Variants in KMT2C observed in about 807,000 individuals in gnomAD.
KMT2C encodes lysine methyltransferase 2C.
A neutral mutation model predicts 507.9 loss-of-function variants in KMT2C; 88 were observed. The ratio of observed to expected loss-of-function variants is 0.17; its 90% CI spans 0.15 to 0.21. KMT2C has a LOEUF of 0.21. Ranked by LOEUF, KMT2C falls within the 10% of genes least tolerant of loss-of-function variation. KMT2C has a pLI of 1.00. For synonymous variants in KMT2C, 2,049 were observed against 2,080.8 expected (o/e 0.98, Z 0.42); for missense variants, 4,954 against 5,957.8 (o/e 0.83, Z 5.55).
intron 9 of KMT2C, among the ~76,000 whole-genome samples, chr7:152,261,542 A>G (rs2095777847): frequency 6.6e-6 from 1 of 152,220 alleles, no homozygotes; most frequent in Non-Finnish European, 1.5e-5. Context: ...AAATTATCTG[A>G]TTAAATGAAA....
chr7:152,195,691 G>A, intron 28 of KMT2C: 1 of 308,630 alleles, frequency 3.2e-6, no homozygotes, highest in Non-Finnish European at 4.7e-6. Context: ...TAAATGTGAT[G>A]CAATTAGAAA....
chr7:152,169,133 G>C lies in KMT2C; in HGVS notation c.9517+53C>G, dbSNP rs2092852643. ...CTTCAGGTTTAGAACAGCACACATAGAGTGCAGACAAGCAATCCCCAGAAA... is the reference window on the plus strand; with the variant it reads ...CTTCAGGTTTAGAACAGCACACATACAGTGCAGACAAGCAATCCCCAGAAA... On this transcript the variant is annotated intron_variant, in intron 41 of 58. Transcript: ENST00000262189. The C allele has an allele frequency of 1.4e-5, 15 of 1,101,664 alleles. No homozygotes were observed. The South Asian group carries it at 1.4e-4, about 10-fold the overall frequency. 68.2% of individuals were successfully genotyped at this position (1,101,664 alleles called of 1,614,324 possible).
At chr7:152,268,345 A>C (rs781687942) in intron 7 of KMT2C, among the ~76,000 whole-genome samples, 5 of 152,166 alleles carry the variant, frequency 3.3e-5, no homozygotes, top group Non-Finnish European at 7.4e-5. Context: ...TAGTTGTTGA[A>C]TATTACTTTT....
intron 6 of KMT2C, among the ~76,000 whole-genome samples, chr7:152,298,819 T>C (rs1444363212): frequency 6.6e-6 from 1 of 152,150 alleles, no homozygotes; most frequent in African/African-American, 2.4e-5. Flanking sequence ...TTATAACATA[T>C]ATAAAAGTCA....
chr7:152,307,195 G>GAGGGAGGAAGGAAGGGAGGA, intron 6 of KMT2C, among the ~76,000 whole-genome samples: 1 of 64,882 alleles, frequency 1.5e-5, no homozygotes, highest in Non-Finnish European at 3.1e-5. Context: ...AAAGAAGAGG[G>GAGGGAGGAAGGAAGGGAGGA]AGGAAGGAAG....
chr7:152,302,523 T>C (rs1438055503), intron 6 of KMT2C, among the ~76,000 whole-genome samples: 2 of 151,906 alleles, frequency 1.3e-5, no homozygotes, highest in African/African-American at 4.8e-5. Flanking sequence ...ACACTGAACA[T>C]TTTATTCAGA....
chr7:152,212,082 C>T (rs1416742882), intron 23 of KMT2C, among the ~76,000 whole-genome samples: 3 of 151,674 alleles, frequency 2.0e-5, no homozygotes, highest in African/African-American at 4.8e-5. Context: ...AGAGACGAGA[C>T]GAGGACAGAA....
At chr7:152,231,137 T>C (rs1282013462) in intron 16 of KMT2C, among the ~76,000 whole-genome samples, 1 of 152,240 alleles carries the variant, frequency 6.6e-6, no homozygotes, top group African/African-American at 2.4e-5. Context: ...TCATTATATT[T>C]CTATTAGCAC....
rs1232398049 is a variant in KMT2C at position 152,435,869 on chromosome 7, T to C, written c.-83A>G. The C allele has an allele frequency of 8.8e-6, 12 of 1,371,016 alleles. No homozygotes were observed. Among genetic ancestry groups the C allele is most frequent in the Non-Finnish European group, 2.9e-6 (3 of 1,051,970 alleles). The allele number at this position is 1,371,016 out of a possible 1,614,324, so 84.9% of individuals were successfully genotyped here. On this transcript the variant is annotated 5_prime_UTR_variant, in exon 1 of 59. Transcript: ENST00000262189. The stretch of plus-strand genomic sequence containing the variant: ...CCGCGGCCGCCGCCGCCGCCGCTGC[T>C]GCTCGGGTTCCTCCTCCCCGGCTCA...
intron 40 of KMT2C, among the ~76,000 whole-genome samples, 168 bp downstream of exon 40, chr7:152,171,096 A>G (rs1211887420): frequency 6.6e-6 from 1 of 152,224 alleles, no homozygotes; most frequent in African/African-American, 2.4e-5. Context: ...AGGTTGGTGA[A>G]AAAGTAATTG....
intron 18 of KMT2C, among the ~76,000 whole-genome samples, chr7:152,229,545 A>G (rs1446359256): frequency 6.6e-6 from 1 of 152,184 alleles, no homozygotes; most frequent in Non-Finnish European, 1.5e-5. Context: ...AGCATAGAGG[A>G]GAGAGAATGC....
At chr7:152,259,860 A>T (rs748673616) in intron 9 of KMT2C, among the ~76,000 whole-genome samples, 30 of 152,246 alleles carry the variant, frequency 2.0e-4, no homozygotes, top group Non-Finnish European at 4.0e-4. Flanking sequence ...AGTTAAATGC[A>T]AACAAATGAG....
chr7:152,369,432 A>G (rs1056791266), intron 1 of KMT2C, among the ~76,000 whole-genome samples: 1 of 152,232 alleles, frequency 6.6e-6, no homozygotes, highest in African/African-American at 2.4e-5. Flanking sequence ...TGTAAAGATC[A>G]ATAAAATTGA....
rs576230889 is a variant in KMT2C, at chr7:152,207,290, G to C, written c.3841+10C>G. Reference sequence around the variant, plus strand: ...TGATGATATTGAAATGTCTACCTCAGGCACTATACCTGGTCTGTATGGTTT... The same window carrying C: ...TGATGATATTGAAATGTCTACCTCACGCACTATACCTGGTCTGTATGGTTT... On this transcript the variant is annotated intron_variant, in intron 24 of 58. Coordinates refer to ENST00000262189, the MANE Select transcript of KMT2C (RefSeq NM_170606.3). The C allele has an allele frequency of 6.5e-7, 1 of 1,528,542 alleles. No homozygotes were observed. Among genetic ancestry groups the C allele is most frequent in the Admixed American group, 2.2e-5 (1 of 45,760 alleles). 94.7% of individuals were successfully genotyped at this position (1,528,542 alleles called of 1,614,324 possible).
chr7:152,321,062 C>T (rs1216260451), intron 3 of KMT2C, among the ~76,000 whole-genome samples: 11 of 151,914 alleles, frequency 7.2e-5, no homozygotes, highest in African/African-American at 2.6e-4. Flanking sequence ...GGCGAAACCC[C>T]GTCTCTACTA....
At chr7:152,215,723 T>C (rs200719741) in intron 23 of KMT2C, among the ~76,000 whole-genome samples, 1,724 of 135,934 alleles carry the variant, frequency 0.013, 27 homozygotes, top group Middle Eastern at 0.046. Context: ...TATATATATA[T>C]ACACACACAC....
intron 14 of KMT2C, among the ~76,000 whole-genome samples, chr7:152,243,280 TA>T (rs1458625657): frequency 3.3e-5 from 5 of 152,200 alleles, no homozygotes; most frequent in Non-Finnish European, 7.3e-5. Context: ...ACAAGTGAAC[TA>T]AAAGGAAAGT....
In KMT2C at chr7:152,228,906, A is replaced by C. The variant is rs1191179326; in HGVS notation, c.2976+1017T>G. Among the ~76,000 whole-genome samples, 3 of 152,204 alleles carry C rather than the reference A, an allele frequency of 2.0e-5. No homozygotes were observed. In the East Asian group the frequency reaches 5.8e-4, roughly 29 times the overall value. On this transcript the variant is annotated intron_variant, in intron 18 of 58. Transcript: ENST00000262189. ...AAAGACTACATAAATTAACCGTACT[A>C]GTCTTCTATTTTGGATAGTATTAAT...
At chr7:152,256,965 A>G (rs1292519552) in intron 9 of KMT2C, among the ~76,000 whole-genome samples, 4 of 152,312 alleles carry the variant, frequency 2.6e-5, no homozygotes, top group South Asian at 2.1e-4. Flanking sequence ...ACAAAGCTAC[A>G]TATGTGTACA....
Sources: gnomAD v4.1 joint callset for allele counts (sites outside exome capture counted in the v4.1 genomes callset) on GRCh38, gnomAD v4.1.1 for gene constraint, MANE v1.5 for transcripts, NCBI Gene and HGNC (gene_info 2026-07-23, HGNC 2026-07-21) for gene names.